RIMS1: variants seen among roughly 807,000 people sequenced by gnomAD.
The protein encoded by RIMS1 is regulating synaptic membrane exocytosis protein 1.
RIMS1 carries 83 observed loss-of-function variants against 214.1 expected under a neutral mutation model. The observed-to-expected ratio is 0.39, with a 90% CI of 0.32 to 0.47. The LOEUF (loss-of-function observed/expected upper bound fraction) is 0.47. Among genes scored for constraint, RIMS1 ranks in the 20% least tolerant of loss-of-function variants. The pLI, the probability that RIMS1 is intolerant of heterozygous loss-of-function variation, is 0.99. For missense variants in RIMS1, 2,050 were observed against 2,161.8 expected, an observed-to-expected ratio of 0.95 and a Z score of 1.03; for synonymous variants, 793 against 786.8, an observed-to-expected ratio of 1.01 and a Z score of -0.13.
chr6:71,990,420 A>G (rs1214812897), intron 2 of RIMS1, among the ~76,000 whole-genome samples: 1 of 152,198 alleles, frequency 6.6e-6, no homozygotes, highest in African/African-American at 2.4e-5. Flanking sequence ...AATTTGTTTC[A>G]TTAAACAAAT....
At chr6:72,283,878 A>AT (rs2091316502) in intron 23 of RIMS1, among the ~76,000 whole-genome samples, 169 bp from the exon 24 acceptor site, 1 of 151,574 alleles carries the variant, frequency 6.6e-6, no homozygotes, top group African/African-American at 2.4e-5. Flanking sequence ...TTTTCATTTT[A>AT]TTCATTCATT....
chr6:71,958,568 G>C (rs947175059), intron 1 of RIMS1, among the ~76,000 whole-genome samples: 3 of 152,122 alleles, frequency 2.0e-5, no homozygotes, highest in Non-Finnish European at 2.9e-5. Context: ...ATACGGAATG[G>C]AGATCAAAGT....
intron 4 of RIMS1, among the ~76,000 whole-genome samples, chr6:72,132,021 A>G (rs2040530749): frequency 6.6e-6 from 1 of 152,176 alleles, no homozygotes. Context: ...TGTTCCCTAA[A>G]CATTGTTGTT....
At chr6:72,103,219 C>T (rs1306333093) in intron 4 of RIMS1, among the ~76,000 whole-genome samples, 1 of 152,090 alleles carries the variant, frequency 6.6e-6, no homozygotes, top group East Asian at 1.9e-4. Context: ...AGGAATAAAA[C>T]ATCAAATTGC....
At chr6:72,266,574 T>C (rs1275678081) in intron 22 of RIMS1, among the ~76,000 whole-genome samples, 1 of 152,318 alleles carries the variant, frequency 6.6e-6, no homozygotes, top group East Asian at 1.9e-4. Flanking sequence ...CCTTAAATTA[T>C]ACTTTGACAA....
rs1347202021 is a variant in RIMS1 at position 72,333,674 on chromosome 6, G to C, written c.4205G>C (p.Ser1402Thr). The C allele has an allele frequency of 2.5e-6, 4 of 1,595,764 alleles. No homozygotes were observed. In the African/African-American group the frequency reaches 4.0e-5, roughly 16 times the overall value. Residue 1402 changes from serine to threonine, a missense_variant, in exon 29 of 34, where the codon AGT becomes ACT. Coordinates refer to ENST00000521978, the MANE Select transcript of RIMS1 (RefSeq NM_014989.7). ...TCCATCATGAAGAGCACCAGTGTCA[G>C]TGGAGAGATGTACACACTGGAGCAT... ...GRSIMKSTSV[S>T]GEMYTLEHND...
Position 72,278,884 on chromosome 6 carries a change from G to T in RIMS1, c.3482+4452G>T, listed in dbSNP as rs181237318. Among the ~76,000 whole-genome samples the T allele has an allele frequency of 2.5e-4, 38 of 152,062 alleles. 3 individuals carry two copies. Among genetic ancestry groups the T allele is most frequent in the Admixed American group, 2.4e-3 (37 of 15,276 alleles). On this transcript the variant is annotated intron_variant, in intron 23 of 33. Coordinates refer to ENST00000521978, the MANE Select transcript of RIMS1 (RefSeq NM_014989.7). ...TGAGTAAATAGGGTGATAGAGATTT[G>T]CTTTGCACATTAAGACAGTATAAGC...
intron 2 of RIMS1, among the ~76,000 whole-genome samples, chr6:72,060,132 T>A (rs1401290475): frequency 1.3e-5 from 2 of 151,320 alleles, no homozygotes; most frequent in Non-Finnish European, 2.9e-5. Flanking sequence ...TATTATTATT[T>A]ATTTATTTAT....
chr6:72,297,258 A>C (rs1449867052), intron 26 of RIMS1, among the ~76,000 whole-genome samples: 1 of 151,994 alleles, frequency 6.6e-6, no homozygotes, highest in Non-Finnish European at 1.5e-5. Context: ...TATTGAAAAC[A>C]CAACATTAGA....
intron 19 of RIMS1, chr6:72,263,005 A>T: frequency 1.4e-6 from 1 of 701,082 alleles, no homozygotes; most frequent in African/African-American, 1.9e-5. Context: ...AAAGCTACGA[A>T]AGTTTATTTT....
intron 27 of RIMS1, among the ~76,000 whole-genome samples, chr6:72,309,919 T>G (rs2095426754): frequency 6.6e-6 from 1 of 152,070 alleles, no homozygotes; most frequent in African/African-American, 2.4e-5. Context: ...AGTAGCCATT[T>G]TTGTTAATTC....
intron 29 of RIMS1, among the ~76,000 whole-genome samples, chr6:72,374,344 C>A (rs947009656): frequency 6.6e-6 from 1 of 152,092 alleles, no homozygotes; most frequent in Admixed American, 6.6e-5. Context: ...CCTATTCTAA[C>A]CACAGTCAGT....
intron 4 of RIMS1, among the ~76,000 whole-genome samples, chr6:72,171,358 G>GTATA (rs746678041): frequency 2.7e-5 from 4 of 148,670 alleles, no homozygotes; most frequent in African/African-American, 9.9e-5. Context: ...GTGTGTGTGT[G>GTATA]TATATATATA....
At chr6:72,157,542 G>C (rs77808364) in intron 4 of RIMS1, among the ~76,000 whole-genome samples, 12,246 of 139,536 alleles carry the variant, frequency 0.088, 2,544 homozygotes, top group Non-Finnish European at 0.12. Flanking sequence ...TCTCTAGTAA[G>C]GTTTACTGCA....
chr6:72,237,360 CTG>C (rs892324785), intron 8 of RIMS1, among the ~76,000 whole-genome samples: 3 of 151,968 alleles, frequency 2.0e-5, no homozygotes, highest in African/African-American at 7.3e-5. Flanking sequence ...GTTTTCAAAA[CTG>C]TGCTCCCAGC....
chr6:72,384,015 T>C (rs112732115), intron 29 of RIMS1, among the ~76,000 whole-genome samples: 3,090 of 152,296 alleles, frequency 0.02, 37 homozygotes, highest in Non-Finnish European at 0.03. Flanking sequence ...TATTGATTTT[T>C]CCAATTAATT....
chr6:71,940,940 A>C (rs1785908775), intron 1 of RIMS1, among the ~76,000 whole-genome samples: 1 of 152,162 alleles, frequency 6.6e-6, no homozygotes, highest in Non-Finnish European at 1.5e-5. Flanking sequence ...TTATAATTGC[A>C]AGGTTTTTTT....
chr6:71,902,174 G>T (rs57762818), intron 1 of RIMS1, among the ~76,000 whole-genome samples: 1 of 152,220 alleles, frequency 6.6e-6, no homozygotes, highest in African/African-American at 2.4e-5. Context: ...TGACGGGAAA[G>T]AAAAGATGAG....
chr6:72,052,756 TC>T (rs1486036003), intron 2 of RIMS1, among the ~76,000 whole-genome samples: 7 of 152,218 alleles, frequency 4.6e-5, no homozygotes, highest in African/African-American at 1.7e-4. Flanking sequence ...TATGTGTTAT[TC>T]TCTTCCTTGT....
Sources: gnomAD v4.1 joint callset for allele counts (sites outside exome capture counted in the v4.1 genomes callset) on GRCh38, gnomAD v4.1.1 for gene constraint, MANE v1.5 for transcripts, NCBI Gene and HGNC (gene_info 2026-07-23, HGNC 2026-07-21) for gene names.